Variants in PLGRKT observed in about 807,000 individuals in gnomAD.
PLGRKT encodes the protein plasminogen receptor (KT).
A neutral mutation model predicts 18.5 loss-of-function variants in PLGRKT; 22 were observed. The ratio of observed to expected loss-of-function variants is 1.19; its 90% CI spans 0.85 to 1.70. The LOEUF (loss-of-function observed/expected upper bound fraction) is 1.70. PLGRKT is among the 40% of genes most tolerant of loss of function. PLGRKT has a pLI of 0.00. For missense variants in PLGRKT, 235 were observed against 174.4 expected (o/e 1.35, Z -1.96); for synonymous variants, 72 against 52.8 (o/e 1.36, Z -1.58).
intron 3 of PLGRKT, among the ~76,000 whole-genome samples, chr9:5,424,668 T>TTTTATATATATATATATATATA (rs1554634176): frequency 8.8e-6 from 1 of 113,168 alleles, no homozygotes; most frequent in African/African-American, 4.1e-5. Flanking sequence ...ATTATATATT[T>TTTTATATATATATATATATATA]TATATATATA....
intron 3 of PLGRKT, among the ~76,000 whole-genome samples, chr9:5,371,422 C>T (rs7024531): frequency 0.76 from 115,592 of 152,030 alleles, 44,870 homozygotes; most frequent in African/African-American, 0.92. Flanking sequence ...GCCAGTTTTT[C>T]CCATGCTATT....
At chr9:5,405,458 T>A (rs751080358) in intron 3 of PLGRKT, among the ~76,000 whole-genome samples, 3 of 152,120 alleles carry the variant, frequency 2.0e-5, no homozygotes, top group Non-Finnish European at 4.4e-5. Flanking sequence ...ATGAAACTCA[T>A]ATCTACAACT....
intron 3 of PLGRKT, among the ~76,000 whole-genome samples, chr9:5,429,093 G>C (rs1468417647): frequency 2.0e-5 from 3 of 152,054 alleles, no homozygotes; most frequent in Non-Finnish European, 4.4e-5. Context: ...AAATTAAAGG[G>C]ACCTTTATAG....
At chr9:5,423,513 C>G (rs1818616722) in intron 3 of PLGRKT, among the ~76,000 whole-genome samples, 2 of 151,972 alleles carry the variant, frequency 1.3e-5, no homozygotes, top group African/African-American at 4.8e-5. Flanking sequence ...TTGTTTCTTC[C>G]CTCATATTCT....
intron 3 of PLGRKT, among the ~76,000 whole-genome samples, chr9:5,365,848 T>C (rs1019360886): frequency 6.6e-6 from 1 of 152,260 alleles, no homozygotes; most frequent in South Asian, 2.1e-4. Context: ...AAACTAGTCA[T>C]GAACAAATAT....
intron 3 of PLGRKT, among the ~76,000 whole-genome samples, chr9:5,388,653 C>T (rs1396294474): frequency 6.6e-6 from 1 of 152,032 alleles, no homozygotes; most frequent in Non-Finnish European, 1.5e-5. Context: ...CCTCAGTCGC[C>T]CTGGTCCTAA....
chr9:5,382,728 G>C (rs1308988813), intron 3 of PLGRKT, among the ~76,000 whole-genome samples: 1 of 152,178 alleles, frequency 6.6e-6, no homozygotes, highest in African/African-American at 2.4e-5. Flanking sequence ...AGGAATAGAG[G>C]GGAACAGGAC....
At chr9:5,433,648 G>A (rs1818884930) in intron 2 of PLGRKT, among the ~76,000 whole-genome samples, 2 of 140,412 alleles carry the variant, frequency 1.4e-5, no homozygotes, top group South Asian at 2.4e-4. Context: ...TGGCCCGGCC[G>A]CCCCGTCTGG....
chr9:5,373,850 T>C (rs944587985), intron 3 of PLGRKT, among the ~76,000 whole-genome samples: 6 of 151,874 alleles, frequency 4.0e-5, no homozygotes, highest in Non-Finnish European at 7.4e-5. Context: ...GCTAAGGAAG[T>C]TCTTCTAAAA....
chr9:5,399,010 A>G lies in PLGRKT; in HGVS notation c.81+32887T>C, dbSNP rs1000130761. Among the ~76,000 whole-genome samples, 83 of 151,596 alleles carry G rather than the reference A, an allele frequency of 5.5e-4. 1 individual carries two copies. The highest frequency in any genetic ancestry group is 2.0e-3 in the African/African-American group (81 of 41,038). Reference sequence around the variant, plus strand: ...AGTTACTCATAGATAACTTTTTCTCACTGGAGAGACTTTTATCTGCATAGC... The same window carrying G: ...AGTTACTCATAGATAACTTTTTCTCGCTGGAGAGACTTTTATCTGCATAGC... On this transcript the variant is annotated intron_variant, in intron 3 of 5. Coordinates refer to ENST00000223864, the MANE Select transcript of PLGRKT (RefSeq NM_018465.4).
At chr9:5,385,472 C>T (rs539931138) in intron 3 of PLGRKT, among the ~76,000 whole-genome samples, 3 of 151,762 alleles carry the variant, frequency 2.0e-5, no homozygotes, top group South Asian at 2.1e-4. Context: ...TCAGCTACCG[C>T]GCCTGGCCAA....
chr9:5,381,386 G>A (rs182775492), intron 3 of PLGRKT, among the ~76,000 whole-genome samples: 75 of 152,314 alleles, frequency 4.9e-4, no homozygotes, highest in African/African-American at 1.4e-3. Flanking sequence ...TGGCTAAAAA[G>A]GGCCAAGGTA....
chr9:5,413,279 A>C (rs1162294788), intron 3 of PLGRKT, among the ~76,000 whole-genome samples: 1 of 152,242 alleles, frequency 6.6e-6, no homozygotes, highest in Non-Finnish European at 1.5e-5. Context: ...CACTGTTTGT[A>C]ATAGCAAAAT....
At chr9:5,364,450 T>A (rs942453442) in intron 3 of PLGRKT, among the ~76,000 whole-genome samples, 4 of 152,170 alleles carry the variant, frequency 2.6e-5, no homozygotes, top group African/African-American at 9.7e-5. Context: ...TCTGCATTTG[T>A]CAAAACTCAT....
intron 3 of PLGRKT, among the ~76,000 whole-genome samples, chr9:5,411,711 T>C (rs1818369792): frequency 1.3e-5 from 2 of 152,232 alleles, no homozygotes; most frequent in Non-Finnish European, 2.9e-5. Context: ...ACTATAAGAA[T>C]ATATTTCCAA....
chr9:5,362,371 T>C (rs1453518536), intron 3 of PLGRKT, among the ~76,000 whole-genome samples: 1 of 152,238 alleles, frequency 6.6e-6, no homozygotes, highest in East Asian at 1.9e-4. Flanking sequence ...TTGAGACATC[T>C]ATAGAGATTT....
chr9:5,377,553 G>C (rs1472442598), intron 3 of PLGRKT, among the ~76,000 whole-genome samples: 2 of 152,144 alleles, frequency 1.3e-5, no homozygotes, highest in Non-Finnish European at 2.9e-5. Flanking sequence ...AACATTTTCA[G>C]AAATGTTGAG....
chr9:5,424,909 C>A (rs550488383), intron 3 of PLGRKT, among the ~76,000 whole-genome samples: 126 of 151,462 alleles, frequency 8.3e-4, no homozygotes, highest in Non-Finnish European at 1.6e-4. Flanking sequence ...CCCCACCCAG[C>A]CTATACATAT....
chr9:5,397,791 G>A (rs1442169575), intron 3 of PLGRKT, among the ~76,000 whole-genome samples: 2 of 151,884 alleles, frequency 1.3e-5, no homozygotes, highest in Admixed American at 1.3e-4. Context: ...AAAGATACAG[G>A]GAGCATTGGC....
Sources: allele counts gnomAD v4.1 joint callset (sites outside exome capture counted in the v4.1 genomes callset), GRCh38; gene constraint gnomAD v4.1.1; transcripts MANE v1.5; gene names NCBI Gene and HGNC (gene_info 2026-07-23, HGNC 2026-07-21).